ZNF25: variants seen among roughly 807,000 people sequenced by gnomAD.
ZNF25 encodes the protein zinc finger protein 25 (KOX 19).
Under a neutral mutation model 30.9 loss-of-function variants are expected in ZNF25, and 21 were observed. The observed-to-expected ratio is 0.68, with a 90% CI of 0.48 to 0.98. ZNF25 has a LOEUF of 0.98. Among genes scored for constraint, ZNF25 ranks in the 50% least tolerant of loss-of-function variants. ZNF25 has a pLI of 0.00. For missense variants in ZNF25, 501 were observed against 529.9 expected (o/e 0.95, Z 0.54); for synonymous variants, 169 against 181.3 (o/e 0.93, Z 0.55).
At chr10:37,967,871 T>C (rs1282969574) in intron 2 of ZNF25, 1 of 152,190 alleles carries the variant, frequency 6.6e-6, no homozygotes, top group Non-Finnish European at 1.5e-5. Context: ...ATGACCTAAA[T>C]ATATGAGTTA....
intron 2 of ZNF25, among the ~76,000 whole-genome samples, chr10:37,964,587 T>A (rs1030259595): frequency 1.3e-5 from 2 of 152,192 alleles, no homozygotes; most frequent in Admixed American, 1.3e-4. Context: ...ACCTAGGGTA[T>A]CTGGCAGAAG....
At position 37,971,732 on chromosome 10, in the gene ZNF25, C is replaced by A. The variant is rs774468989; in HGVS notation, c.-10G>T. On this transcript the variant is annotated 5_prime_UTR_variant, in exon 2 of 6. Transcript: ENST00000302609. ...CCTGGAACTTGTTCATTTTCTGCTG[C>A]TCTTGGGAAAGGCTGAAAACTGCAA... The A allele has an allele frequency of 6.2e-7, 1 of 1,613,778 alleles. No homozygotes were observed. Among genetic ancestry groups the A allele is most frequent in the Non-Finnish European group, 8.5e-7 (1 of 1,180,010 alleles).
At chr10:37,973,736 T>C (rs1341171734) in intron 1 of ZNF25, among the ~76,000 whole-genome samples, 1 of 151,952 alleles carries the variant, frequency 6.6e-6, no homozygotes, top group Non-Finnish European at 1.5e-5. Flanking sequence ...ATGCAATCCA[T>C]ATCCAAATAC....
chr10:37,961,857 G>A (rs1779068), intron 2 of ZNF25, among the ~76,000 whole-genome samples: 115,871 of 147,770 alleles, frequency 0.78, 45,438 homozygotes, highest in South Asian at 0.87. Context: ...GGATGCGGAT[G>A]TTGTGGTGAG....
intron 5 of ZNF25, 58 bp from the exon 6 acceptor site, chr10:37,953,253 C>T (rs2062292442): frequency 6.8e-7 from 1 of 1,480,958 alleles, no homozygotes; most frequent in Non-Finnish European, 9.0e-7. Flanking sequence ...TTTTGTTCCC[C>T]CTGCTCCACT....
At chr10:37,973,427 C>G (rs1458848441) in intron 1 of ZNF25, among the ~76,000 whole-genome samples, 1 of 151,546 alleles carries the variant, frequency 6.6e-6, no homozygotes, top group Non-Finnish European at 1.5e-5. Flanking sequence ...ATCAGACTGG[C>G]CAATGTGGCA....
rs1175063727 is a variant in ZNF25, at chr10:37,957,470, G to A, written c.92C>T (p.Thr31Ile). 6.2e-7 allele frequency: 1 copy of A among 1,613,942 alleles called. No individual in the cohort carries two copies. The highest frequency in any genetic ancestry group is 8.5e-7 in the Non-Finnish European group (1 of 1,179,916). The change falls in exon 3 of 6, where the codon ACT (threonine) becomes ATT (isoleucine). Residue 31 changes from threonine (T) to isoleucine (I), a missense_variant. Transcript: ENST00000302609. ...TTCCAGCATCACATCCTTATACAGA[G>A]TCCTCTGAGCAGGGGTCAGTAACTT... ...EWKLLTPAQRTLYKDVMLENY... is the reference protein window; with the variant it reads ...EWKLLTPAQRILYKDVMLENY...
intron 2 of ZNF25, among the ~76,000 whole-genome samples, chr10:37,965,614 C>A (rs1048342650): frequency 2.0e-5 from 3 of 152,094 alleles, no homozygotes; most frequent in African/African-American, 7.2e-5. Context: ...TTCTAGTAGA[C>A]CTGCCTTATA....
chr10:37,957,861 T>A (rs1489255566), intron 2 of ZNF25, among the ~76,000 whole-genome samples: 1 of 152,222 alleles, frequency 6.6e-6, no homozygotes, highest in Non-Finnish European at 1.5e-5. Flanking sequence ...AAAAATATAG[T>A]ATTTTTATTG....
intron 2 of ZNF25, among the ~76,000 whole-genome samples, chr10:37,958,749 C>CAA (rs554018008): frequency 2.1e-5 from 3 of 143,524 alleles, no homozygotes; most frequent in South Asian, 2.2e-4. Flanking sequence ...AAGACTCTAT[C>CAA]AAAAAAAAAA....
chr10:37,963,750 G>C (rs1181084503), intron 2 of ZNF25, among the ~76,000 whole-genome samples: 1 of 152,198 alleles, frequency 6.6e-6, no homozygotes, highest in Non-Finnish European at 1.5e-5. Context: ...CAAAGCAGGT[G>C]GATAACCTGA....
At position 37,952,992 on chromosome 10, in the gene ZNF25, G is replaced by A. The variant is rs148063421; in HGVS notation, c.506C>T (p.Thr169Met). 1.9e-4 allele frequency: 311 copies of A among 1,613,914 alleles called. No homozygotes were observed. In the East Asian group the frequency reaches 3.0e-3, roughly 16 times the overall value. ...TTTACACTCATAGGTTTTATCTCTCGTGTGAATTTTCTGATGTCTTATGAG... is the reference window on the plus strand; with the variant it reads ...TTTACACTCATAGGTTTTATCTCTCATGTGAATTTTCTGATGTCTTATGAG... ...EDLIRHQKIHTRDKTYECKEC... is the reference protein window; with the variant it reads ...EDLIRHQKIHMRDKTYECKEC... The change falls in exon 6 of 6, where the codon ACG becomes ATG. Residue 169 changes from threonine to methionine, a missense_variant. Transcript: ENST00000302609.
At chr10:37,971,209 A>G (rs2063468998) in intron 2 of ZNF25, among the ~76,000 whole-genome samples, 1 of 151,698 alleles carries the variant, frequency 6.6e-6, no homozygotes, top group African/African-American at 2.4e-5. Context: ...CCAGCTACTC[A>G]TGAGGCTGAG....
At chr10:37,972,781 T>C (rs954491801) in intron 1 of ZNF25, among the ~76,000 whole-genome samples, 1 of 152,192 alleles carries the variant, frequency 6.6e-6, no homozygotes, top group Non-Finnish European at 1.5e-5. Context: ...GACATGACCC[T>C]ATATTTAGAA....
At chr10:37,970,648 A>G (rs1434010524) in intron 2 of ZNF25, among the ~76,000 whole-genome samples, 1 of 152,190 alleles carries the variant, frequency 6.6e-6, no homozygotes. Flanking sequence ...AATGTTTTCT[A>G]CAGTCTACCA....
At position 37,952,951 on chromosome 10, in the gene ZNF25, A is replaced by C. The variant is rs1310618333; in HGVS notation, c.547T>G (p.Phe183Val). ...TYECKECKKI[F>V]YHLSSLSRHL... ...CTACTGAGAGATGATAGGTGGTAAA[A>C]TATTTTCTTACATTCTTTACACTCA... Residue 183 changes from phenylalanine to valine, a missense_variant, in exon 6 of 6, where the codon TTT becomes GTT. Coordinates refer to ENST00000302609, the MANE Select transcript of ZNF25 (RefSeq NM_145011.4). 1 of 1,614,126 alleles carries C rather than the reference A, an allele frequency of 6.2e-7. No homozygotes were observed. The highest frequency in any genetic ancestry group is 8.5e-7 in the Non-Finnish European group (1 of 1,180,028).
At chr10:37,965,642 T>A (rs1232271827) in intron 2 of ZNF25, among the ~76,000 whole-genome samples, 1 of 152,152 alleles carries the variant, frequency 6.6e-6, no homozygotes, top group African/African-American at 2.4e-5. Context: ...CTACAAGCAG[T>A]CCTTCAGTCT....
chr10:37,965,336 T>C (rs2063123414), intron 2 of ZNF25, among the ~76,000 whole-genome samples: 1 of 152,116 alleles, frequency 6.6e-6, no homozygotes, highest in Non-Finnish European at 1.5e-5. Flanking sequence ...CCCTCCATAC[T>C]TTGGAATGCT....
rs535008366 is a variant in ZNF25 at position 37,954,882 on chromosome 10, G to A, written c.239-1124C>T. Among the ~76,000 whole-genome samples, 10 of 152,248 alleles carry A rather than the reference G, an allele frequency of 6.6e-5. No individual in the cohort carries two copies. The East Asian group carries it at 1.7e-3, about 27-fold the overall frequency. On this transcript the variant is annotated intron_variant, in intron 4 of 5. Coordinates refer to ENST00000302609, the MANE Select transcript of ZNF25 (RefSeq NM_145011.4). ...AAGATCATATGTATAAGCCAGGAAC[G>A]GTGGCTCATGCCTGTAATCCCGGCA...
Sources: gnomAD v4.1 joint callset for allele counts (sites outside exome capture counted in the v4.1 genomes callset) on GRCh38, gnomAD v4.1.1 for gene constraint, MANE v1.5 for transcripts, NCBI Gene and HGNC (gene_info 2026-07-23, HGNC 2026-07-21) for gene names.